The following MAPK14 variants were observed in gnomAD, a reference collection of about 807,000 sequenced individuals.
The protein encoded by MAPK14 is mitogen-activated protein kinase 14.
A neutral mutation model predicts 49.6 loss-of-function variants in MAPK14; 16 were observed. That is an observed-to-expected ratio of 0.32 (90% CI 0.22 to 0.49). The LOEUF (loss-of-function observed/expected upper bound fraction) is 0.49, where lower values mean the gene tolerates loss of function less well. Ranked by LOEUF, MAPK14 falls within the 20% of genes least tolerant of loss-of-function variation. MAPK14 has a pLI of 0.99. For missense variants in MAPK14, 200 were observed against 441.2 expected (o/e 0.45, Z 4.90); for synonymous variants, 142 against 158.0 (o/e 0.90, Z 0.76).
intron 1 of MAPK14, among the ~76,000 whole-genome samples, chr6:36,037,399 G>T (rs114035152): frequency 6.6e-6 from 1 of 152,194 alleles, no homozygotes; most frequent in African/African-American, 2.4e-5. Context: ...TGGCTCCAAG[G>T]CTGAATGTTG....
chr6:36,030,141 A>G (rs192264492), intron 1 of MAPK14, among the ~76,000 whole-genome samples: 27 of 152,212 alleles, frequency 1.8e-4, no homozygotes, highest in African/African-American at 6.0e-4. Context: ...GAATAACTCA[A>G]CTATAGAGGG....
intron 1 of MAPK14, among the ~76,000 whole-genome samples, chr6:36,051,770 A>G (rs1763408383): frequency 6.6e-6 from 1 of 152,222 alleles, no homozygotes; most frequent in Admixed American, 6.5e-5. Flanking sequence ...GAATGATAAT[A>G]GTACTTATTT....
At chr6:36,087,242 C>G (rs1765021920) in intron 8 of MAPK14, among the ~76,000 whole-genome samples, 1 of 152,192 alleles carries the variant, frequency 6.6e-6, no homozygotes, top group African/African-American at 2.4e-5. Flanking sequence ...AGGATGCCCT[C>G]TTTCCCTACT....
At chr6:36,071,035 A>T (rs1490355611) in intron 3 of MAPK14, among the ~76,000 whole-genome samples, 1 of 152,158 alleles carries the variant, frequency 6.6e-6, no homozygotes, top group African/African-American at 2.4e-5. Context: ...ACTTATTTTT[A>T]AAAATTCAGC....
downstream of MAPK14, among the ~76,000 whole-genome samples, chr6:36,112,711 T>A (rs1474278201): frequency 6.6e-6 from 1 of 151,648 alleles, no homozygotes; most frequent in East Asian, 1.9e-4. Flanking sequence ...TATTGTTAAC[T>A]GGTCTGAGTC....
At chr6:36,052,638 C>T in intron 1 of MAPK14, 61 bp from the exon 2 acceptor site, 1 of 1,471,308 alleles carries the variant, frequency 6.8e-7, no homozygotes, top group Non-Finnish European at 9.1e-7. Flanking sequence ...CTTATAAATA[C>T]CCCAAAATAA....
intron 3 of MAPK14, among the ~76,000 whole-genome samples, chr6:36,062,984 C>A (rs776182143): frequency 1.3e-5 from 2 of 152,118 alleles, no homozygotes; most frequent in African/African-American, 4.8e-5. Context: ...TCATGTGATA[C>A]GTGTATTTGT....
chr6:36,072,538 G>A (rs1468454749), intron 3 of MAPK14, among the ~76,000 whole-genome samples: 22 of 151,778 alleles, frequency 1.4e-4, no homozygotes, highest in Admixed American at 9.2e-4. Context: ...AGGCTGAGGC[G>A]GGGGGATCAT....
chr6:36,057,427 G>C (rs1045681573), intron 2 of MAPK14, among the ~76,000 whole-genome samples: 3 of 152,078 alleles, frequency 2.0e-5, no homozygotes, highest in African/African-American at 7.2e-5. Flanking sequence ...CTGTTGTCTG[G>C]GTAAGATCTG....
At chr6:36,070,974 T>G (rs1486106865) in intron 3 of MAPK14, among the ~76,000 whole-genome samples, 5 of 152,158 alleles carry the variant, frequency 3.3e-5, no homozygotes. Context: ...ATATATATTA[T>G]TACCCAATCT....
chr6:36,116,090 C>CA (rs1766056096), downstream of MAPK14, among the ~76,000 whole-genome samples: 2 of 152,116 alleles, frequency 1.3e-5, no homozygotes, highest in African/African-American at 4.8e-5. Flanking sequence ...GCCTGGGTGA[C>CA]AGAGTGAGAC....
At chr6:36,077,563 T>C (rs1764581604) in intron 8 of MAPK14, among the ~76,000 whole-genome samples, 1 of 152,178 alleles carries the variant, frequency 6.6e-6, no homozygotes, top group African/African-American at 2.4e-5. Flanking sequence ...GTTTGGGATA[T>C]ACTTCTGTAA....
Position 36,047,535 on chromosome 6 carries a change from G to A in MAPK14, c.117-5164G>A, listed in dbSNP as rs9394326. The stretch of plus-strand genomic sequence containing the variant: ...CTTGAATGGTTTGAAGGAGGGGAGT[G>A]TTGTGATCTAATTTGTACTTTTATT... On this transcript the variant is annotated intron_variant, in intron 1 of 11. Coordinates refer to ENST00000229794, the MANE Select transcript of MAPK14 (RefSeq NM_139012.3). Among the ~76,000 whole-genome samples the A allele has an allele frequency of 2.0e-3, 305 of 152,200 alleles. 9 individuals are homozygous for A. In the East Asian group the frequency reaches 0.056, roughly 28 times the overall value.
chr6:36,089,662 G>A (rs1048412147), intron 8 of MAPK14, among the ~76,000 whole-genome samples: 1 of 152,104 alleles, frequency 6.6e-6, no homozygotes, highest in Non-Finnish European at 1.5e-5. Flanking sequence ...CCTAATGATA[G>A]CATTATTATT....
chr6:36,034,402 A>G lies in MAPK14; in HGVS notation c.116+6129A>G, dbSNP rs539417664. Reference sequence around the variant, plus strand: ...CTGTACATGTTTGTGTTACATAAGTATAGGATATAAATAGAAATAACTGCC... The same window carrying G: ...CTGTACATGTTTGTGTTACATAAGTGTAGGATATAAATAGAAATAACTGCC... On this transcript the variant is annotated intron_variant, in intron 1 of 11. Transcript: ENST00000229794. Among the ~76,000 whole-genome samples the G allele has an allele frequency of 2.7e-4, 41 of 152,356 alleles. 1 individual carries two copies. In the South Asian group the frequency reaches 7.9e-3, roughly 29 times the overall value.
intron 8 of MAPK14, among the ~76,000 whole-genome samples, chr6:36,082,724 A>G (rs1764815352): frequency 6.6e-6 from 1 of 152,140 alleles, no homozygotes. Flanking sequence ...AACACCTTCA[A>G]TCAGGCCCCA....
intron 8 of MAPK14, among the ~76,000 whole-genome samples, chr6:36,085,955 A>G (rs1305776191): frequency 7.9e-5 from 12 of 152,214 alleles, no homozygotes; most frequent in Admixed American, 7.9e-4. Context: ...TATAACACAC[A>G]GCCTCTCACA....
intron 1 of MAPK14, among the ~76,000 whole-genome samples, chr6:36,051,857 T>A (rs977370724): frequency 4.6e-5 from 7 of 152,198 alleles, no homozygotes; most frequent in African/African-American, 7.2e-5. Context: ...TTCTTGTATG[T>A]GTGGGTAAAG....
intron 10 of MAPK14, among the ~76,000 whole-genome samples, chr6:36,103,433 G>C (rs1765702720): frequency 6.6e-6 from 1 of 151,950 alleles, no homozygotes; most frequent in South Asian, 2.1e-4. Flanking sequence ...TTGAACTCCT[G>C]GGCTCCAGTG....
Sources: allele counts gnomAD v4.1 joint callset (sites outside exome capture counted in the v4.1 genomes callset), GRCh38; gene constraint gnomAD v4.1.1; transcripts MANE v1.5; gene names NCBI Gene and HGNC (gene_info 2026-07-23, HGNC 2026-07-21).